Variants in SCMH1 observed in about 807,000 individuals in gnomAD.
SCMH1 encodes polycomb protein SCMH1.
A neutral mutation model predicts 70.8 loss-of-function variants in SCMH1; 37 were observed. The ratio of observed to expected loss-of-function variants is 0.52; its 90% CI spans 0.40 to 0.69. The LOEUF (loss-of-function observed/expected upper bound fraction) is 0.69, where lower values mean the gene tolerates loss of function less well. SCMH1 is among the 30% of genes least tolerant of loss of function. SCMH1 has a pLI of 0.00. For missense variants in SCMH1, 607 were observed against 827.3 expected, an observed-to-expected ratio of 0.73 and a Z score of 3.27; for synonymous variants, 292 against 307.4, an observed-to-expected ratio of 0.95 and a Z score of 0.52.
intron 1 of SCMH1, among the ~76,000 whole-genome samples, chr1:41,224,427 A>G (rs1006665768): frequency 6.6e-6 from 1 of 152,214 alleles, no homozygotes; most frequent in Non-Finnish European, 1.5e-5. Context: ...TATAGCAACT[A>G]GCATAGAGTT....
chr1:41,098,724 G>T, intron 8 of SCMH1: 1 of 158,746 alleles, frequency 6.3e-6, no homozygotes, highest in Non-Finnish European at 1.4e-5. Context: ...AGACAGTACT[G>T]AAAAGTGACC....
At chr1:41,195,697 A>T (rs932198729) in intron 1 of SCMH1, among the ~76,000 whole-genome samples, 9 of 152,222 alleles carry the variant, frequency 5.9e-5, no homozygotes, top group Non-Finnish European at 1.3e-4. Flanking sequence ...TAAACATAGT[A>T]CTGGAAGTTC....
At chr1:41,141,288 A>G (rs927924098) in intron 6 of SCMH1, among the ~76,000 whole-genome samples, 12 of 152,194 alleles carry the variant, frequency 7.9e-5, no homozygotes, top group African/African-American at 2.9e-4. Flanking sequence ...TTAGAACACA[A>G]CCCTGTTTGT....
intron 6 of SCMH1, among the ~76,000 whole-genome samples, chr1:41,123,103 C>T (rs751578189): frequency 6.6e-6 from 1 of 152,126 alleles, no homozygotes; most frequent in Non-Finnish European, 1.5e-5. Flanking sequence ...TGCTTGTAGT[C>T]CCAGCTACGT....
intron 5 of SCMH1, among the ~76,000 whole-genome samples, chr1:41,148,254 G>A (rs529671269): frequency 1.6e-4 from 25 of 152,100 alleles, no homozygotes; most frequent in East Asian, 5.8e-4. Context: ...CACAATATAC[G>A]GTTATTGTCT....
intron 1 of SCMH1, among the ~76,000 whole-genome samples, chr1:41,218,053 G>A (rs1412283907): frequency 2.0e-5 from 3 of 152,124 alleles, no homozygotes; most frequent in African/African-American, 7.2e-5. Flanking sequence ...TATACCCAGA[G>A]GCTCACTCAT....
intron 10 of SCMH1, 51 bp downstream of exon 10, chr1:41,070,544 A>C: frequency 6.2e-7 from 1 of 1,601,936 alleles, no homozygotes; most frequent in Non-Finnish European, 8.5e-7. Context: ...AAGAAAGTGC[A>C]AACACTAGGT....
chr1:41,159,685 A>G, intron 4 of SCMH1: 1 of 1,508,066 alleles, frequency 6.6e-7, no homozygotes, highest in Non-Finnish European at 8.9e-7. Flanking sequence ...AAAGAATAAT[A>G]AAAAATAACT....
intron 1 of SCMH1, among the ~76,000 whole-genome samples, chr1:41,194,207 A>G (rs1652438928): frequency 6.6e-6 from 1 of 152,226 alleles, no homozygotes; most frequent in Non-Finnish European, 1.5e-5. Flanking sequence ...GCAGAATAAA[A>G]TGTCAAGAAA....
chr1:41,063,997 C>T (rs1210390981), intron 10 of SCMH1, among the ~76,000 whole-genome samples: 1 of 152,120 alleles, frequency 6.6e-6, no homozygotes, highest in Non-Finnish European at 1.5e-5. Context: ...TTGTCCTCAA[C>T]AAAGTATTAT....
chr1:41,089,178 C>G (rs1465654580), intron 8 of SCMH1, among the ~76,000 whole-genome samples: 2 of 152,166 alleles, frequency 1.3e-5, no homozygotes, highest in Admixed American at 6.5e-5. Context: ...ATTAAAACTT[C>G]CAAGTTTATA....
intron 13 of SCMH1, among the ~76,000 whole-genome samples, chr1:41,032,871 C>A (rs188364662): frequency 1.3e-5 from 2 of 151,290 alleles, no homozygotes; most frequent in Non-Finnish European, 2.9e-5. Flanking sequence ...CCCAGCTACT[C>A]GGGAGGCTGA....
intron 4 of SCMH1, among the ~76,000 whole-genome samples, chr1:41,159,131 T>C (rs1453462790): frequency 6.6e-6 from 1 of 152,222 alleles, no homozygotes; most frequent in Non-Finnish European, 1.5e-5. Flanking sequence ...TCCACAGATC[T>C]ACTGAATTTT....
chr1:41,234,633 C>A (rs1477150181), intron 1 of SCMH1, among the ~76,000 whole-genome samples: 1 of 151,754 alleles, frequency 6.6e-6, no homozygotes, highest in African/African-American at 2.4e-5. Flanking sequence ...CGCCACCACA[C>A]CTGGCTAATT....
chr1:41,092,168 A>T (rs949010027), intron 8 of SCMH1, among the ~76,000 whole-genome samples: 10 of 152,240 alleles, frequency 6.6e-5, no homozygotes, highest in Non-Finnish European at 1.0e-4. Flanking sequence ...GTGGTACCAA[A>T]ACAGAGGTAT....
At chr1:41,154,649 T>C in intron 4 of SCMH1, among the ~76,000 whole-genome samples, 1 of 152,134 alleles carries the variant, frequency 6.6e-6, no homozygotes, top group East Asian at 1.9e-4. Context: ...GTTTACGAGG[T>C]AGTACAGGTT....
chr1:41,071,439 C>T (rs1656460713), intron 9 of SCMH1, among the ~76,000 whole-genome samples: 1 of 152,072 alleles, frequency 6.6e-6, no homozygotes, highest in South Asian at 2.1e-4. Flanking sequence ...ATACCAGTAT[C>T]CCTATTCACC....
intron 5 of SCMH1, among the ~76,000 whole-genome samples, chr1:41,143,432 T>C (rs1644277357): frequency 6.6e-6 from 1 of 152,210 alleles, no homozygotes; most frequent in East Asian, 1.9e-4. Context: ...AATCCCTTTT[T>C]AGTCTTTTTA....
At chr1:41,055,602 G>A (rs972328165) in intron 10 of SCMH1, among the ~76,000 whole-genome samples, 2 of 152,208 alleles carry the variant, frequency 1.3e-5, no homozygotes, top group Non-Finnish European at 2.9e-5. Flanking sequence ...AAAGTGCTGC[G>A]ATTACAGGCG....
Sources: gnomAD v4.1 joint callset for allele counts (sites outside exome capture counted in the v4.1 genomes callset) on GRCh38, gnomAD v4.1.1 for gene constraint, MANE v1.5 for transcripts, NCBI Gene and HGNC (gene_info 2026-07-23, HGNC 2026-07-21) for gene names.